The following GPC6 variants were observed in gnomAD, a reference collection of about 807,000 sequenced individuals.
GPC6 encodes the protein glypican 6, also known as glypican-6.
Under a neutral mutation model 55.2 loss-of-function variants are expected in GPC6, and 14 were observed. That is an observed-to-expected ratio of 0.25 (90% confidence interval 0.17 to 0.40). GPC6 has a LOEUF of 0.40. Ranked by LOEUF, GPC6 falls within the 10% of genes least tolerant of loss-of-function variation. GPC6 has a pLI of 1.00. For synonymous variants in GPC6, 278 were observed against 259.6 expected, an observed-to-expected ratio of 1.07 and a Z score of -0.68; for missense variants, 641 against 708.5, an observed-to-expected ratio of 0.90 and a Z score of 1.08.
intron 1 of GPC6, among the ~76,000 whole-genome samples, chr13:93,373,072 G>T (rs1407927613): frequency 6.6e-6 from 1 of 152,142 alleles, no homozygotes; most frequent in East Asian, 1.9e-4. Flanking sequence ...ATCTCCCTCT[G>T]TGGTGTATAA....
chr13:93,786,583 GAA>G (rs775947342), intron 2 of GPC6, among the ~76,000 whole-genome samples: 1 of 130,912 alleles, frequency 7.6e-6, no homozygotes, highest in Admixed American at 7.6e-5. Flanking sequence ...ATTTCCAGTT[GAA>G]AAAAAAAAAA....
chr13:94,406,299 G>A lies in GPC6; in HGVS notation c.*3082G>A, dbSNP rs906659910. ...CAACAAAAGCTAAACAGAGGCTAAAGTCTTTAGCAGAGAAGAATGAATTAC... is the reference window on the plus strand; with the variant it reads ...CAACAAAAGCTAAACAGAGGCTAAAATCTTTAGCAGAGAAGAATGAATTAC... On this transcript the variant is annotated 3_prime_UTR_variant, in exon 9 of 9. Coordinates refer to ENST00000377047, the MANE Select transcript of GPC6 (RefSeq NM_005708.5). 2 of 152,098 alleles carry A rather than the reference G, an allele frequency of 1.3e-5. No individual in the cohort carries two copies. The allele number at this position is 152,098 out of a possible 1,614,324, so 9.4% of individuals were successfully genotyped here. A position where few individuals can be genotyped will look rare whatever the true frequency, so the allele number is the denominator to read the frequency against.
upstream of GPC6, among the ~76,000 whole-genome samples, chr13:93,223,555 T>TG (rs1185743029): frequency 3.6e-4 from 55 of 152,128 alleles, no homozygotes; most frequent in African/African-American, 1.3e-3. Context: ...AGGATTCTCC[T>TG]GCTTTAGCCT....
At chr13:94,164,100 C>A (rs1888264819) in intron 4 of GPC6, among the ~76,000 whole-genome samples, 2 of 152,244 alleles carry the variant, frequency 1.3e-5, no homozygotes, top group South Asian at 4.1e-4. Context: ...TCACTGACCA[C>A]CTGGTTGGAG....
At chr13:94,143,311 A>G (rs1430795488) in intron 4 of GPC6, among the ~76,000 whole-genome samples, 1 of 152,168 alleles carries the variant, frequency 6.6e-6, no homozygotes, top group East Asian at 1.9e-4. Context: ...GAAATGGTTT[A>G]GTGTGAGAGA....
intron 3 of GPC6, among the ~76,000 whole-genome samples, chr13:93,997,609 A>ATGTG (rs1881617553): frequency 8.0e-6 from 1 of 125,042 alleles, no homozygotes; most frequent in Admixed American, 8.2e-5. Flanking sequence ...GTGTGTGTGC[A>ATGTG]TGCACGCTTG....
intron 4 of GPC6, among the ~76,000 whole-genome samples, chr13:94,145,802 A>G (rs1034489192): frequency 6.6e-5 from 10 of 152,208 alleles, no homozygotes; most frequent in Non-Finnish European, 1.2e-4. Flanking sequence ...AGAAGGGAAC[A>G]TGTGTTATGG....
chr13:93,939,597 G>A (rs1014156851), intron 3 of GPC6, among the ~76,000 whole-genome samples: 6 of 151,806 alleles, frequency 4.0e-5, no homozygotes, highest in Non-Finnish European at 5.9e-5. Context: ...AATGACAGAT[G>A]AGCCACAGAA....
intron 4 of GPC6, among the ~76,000 whole-genome samples, chr13:94,064,981 G>A (rs1271558016): frequency 6.6e-6 from 1 of 152,040 alleles, no homozygotes; most frequent in East Asian, 1.9e-4. Context: ...AAACATGGTT[G>A]TGAGACTTCA....
chr13:94,065,427 G>A (rs2138774495), intron 4 of GPC6, among the ~76,000 whole-genome samples: 1 of 152,242 alleles, frequency 6.6e-6, no homozygotes. Flanking sequence ...CTCAGTGGGA[G>A]GTCTTGCATG....
chr13:94,045,998 T>C (rs1378081610), intron 4 of GPC6, among the ~76,000 whole-genome samples: 1 of 151,918 alleles, frequency 6.6e-6, no homozygotes, highest in Non-Finnish European at 1.5e-5. Flanking sequence ...AGAGTTCGAG[T>C]AAGTGGCAGA....
chr13:93,951,090 T>C (rs1172358730), intron 3 of GPC6, among the ~76,000 whole-genome samples: 1 of 152,172 alleles, frequency 6.6e-6, no homozygotes, highest in Non-Finnish European at 1.5e-5. Context: ...TACAGTCAAG[T>C]AAAATTTTAA....
intron 1 of GPC6, among the ~76,000 whole-genome samples, chr13:93,382,230 C>G (rs1289414698): frequency 3.9e-5 from 6 of 152,092 alleles, no homozygotes; most frequent in Admixed American, 1.3e-4. Context: ...GTAATAGACG[C>G]TTAACATCAG....
chr13:94,117,182 T>C (rs1886464859), intron 4 of GPC6, among the ~76,000 whole-genome samples: 1 of 152,100 alleles, frequency 6.6e-6, no homozygotes, highest in African/African-American at 2.4e-5. Flanking sequence ...TTCCCCTAAA[T>C]GATTTATAAT....
At chr13:93,691,656 A>C (rs1452111860) in intron 2 of GPC6, among the ~76,000 whole-genome samples, 1 of 152,042 alleles carries the variant, frequency 6.6e-6, no homozygotes, top group Admixed American at 6.6e-5. Flanking sequence ...TTCTAACTGA[A>C]TGTTTATTAC....
chr13:93,541,313 G>A (rs574824766), intron 1 of GPC6, among the ~76,000 whole-genome samples: 33 of 143,016 alleles, frequency 2.3e-4, no homozygotes, highest in Non-Finnish European at 3.7e-4. Flanking sequence ...TACTGAGAAT[G>A]ATGATTTCCA....
intron 4 of GPC6, among the ~76,000 whole-genome samples, chr13:94,093,136 T>C (rs1469556378): frequency 1.3e-5 from 2 of 152,146 alleles, no homozygotes; most frequent in African/African-American, 2.4e-5. Flanking sequence ...CATTTGTCTA[T>C]TTTTGCTTTT....
Position 93,897,909 on chromosome 13 carries a change from A to G in GPC6, c.711+67364A>G, listed in dbSNP as rs150487977. ...TTTCACTACACTTTCCCAATTCCCT[A>G]TATCTATCCTCGCTTTGCTTTCAGT... is the stretch of plus-strand genomic sequence containing the variant. On this transcript the variant is annotated intron_variant, in intron 3 of 8. Transcript: ENST00000377047. 5.7e-3 allele frequency among the ~76,000 whole-genome samples: 867 copies of G among 152,218 alleles called. 15 individuals carry two copies. The highest frequency in any genetic ancestry group is 0.02 in the African/African-American group (835 of 41,554).
At chr13:93,495,801 C>T (rs1880241041) in intron 1 of GPC6, among the ~76,000 whole-genome samples, 1 of 145,732 alleles carries the variant, frequency 6.9e-6, no homozygotes, top group Non-Finnish European at 1.5e-5. Context: ...TGTCAGTGTG[C>T]CCCTGCTGGG....
Sources: allele counts gnomAD v4.1 joint callset (sites outside exome capture counted in the v4.1 genomes callset), GRCh38; gene constraint gnomAD v4.1.1; transcripts MANE v1.5; gene names NCBI Gene and HGNC (gene_info 2026-07-23, HGNC 2026-07-21).